PTPRD: variants seen among roughly 807,000 people sequenced by gnomAD.
PTPRD encodes the protein protein tyrosine phosphatase receptor type D.
Under a neutral mutation model 214.5 loss-of-function variants are expected in PTPRD, and 34 were observed. The observed-to-expected ratio is 0.16, with a 90% CI of 0.12 to 0.21. The LOEUF is 0.21. Ranked by LOEUF, PTPRD falls within the 10% of genes least tolerant of loss-of-function variation. The pLI, the probability that PTPRD is intolerant of heterozygous loss-of-function variation, is 1.00. For missense variants in PTPRD, 2,545 were observed against 2,398.7 expected, an observed-to-expected ratio of 1.06 and a Z score of -1.27; for synonymous variants, 1,128 against 845.7, an observed-to-expected ratio of 1.33 and a Z score of -5.79.
intron 8 of PTPRD, among the ~76,000 whole-genome samples, chr9:9,559,237 G>A (rs575777721): frequency 6.6e-6 from 1 of 151,736 alleles, no homozygotes; most frequent in Non-Finnish European, 1.5e-5. Flanking sequence ...ACTGTAGACT[G>A]TCCTACCACA....
intron 7 of PTPRD, among the ~76,000 whole-genome samples, chr9:9,682,818 C>T (rs2097099634): frequency 6.6e-6 from 1 of 151,734 alleles, no homozygotes. Flanking sequence ...CAAATACTGC[C>T]TATCAGTACT....
In PTPRD at chr9:10,193,256, T is replaced by C. The variant is rs1019143833; in HGVS notation, c.-545+147707A>G. Among the ~76,000 whole-genome samples the C allele has an allele frequency of 3.9e-5, 6 of 152,160 alleles. No individual in the cohort carries two copies. In the South Asian group the frequency reaches 8.3e-4, roughly 21 times the overall value. On this transcript the variant is annotated intron_variant, in intron 3 of 45. Transcript: ENST00000381196. Reference sequence around the variant, plus strand: ...TTTTACATAAGTTACATTTCCAGGTTCTTTTCCTGAAAATTTTTACTTTAT... The same window carrying C: ...TTTTACATAAGTTACATTTCCAGGTCCTTTTCCTGAAAATTTTTACTTTAT...
intron 11 of PTPRD, among the ~76,000 whole-genome samples, chr9:8,899,107 G>A (rs952299496): frequency 6.6e-6 from 1 of 152,048 alleles, no homozygotes; most frequent in Non-Finnish European, 1.5e-5. Context: ...GAGAGCTGCA[G>A]AGCTAACGGA....
At chr9:8,810,317 C>A (rs1168641409) in intron 11 of PTPRD, among the ~76,000 whole-genome samples, 1 of 152,120 alleles carries the variant, frequency 6.6e-6, no homozygotes, top group Non-Finnish European at 1.5e-5. Flanking sequence ...ATGATGTTAC[C>A]ATTGCCATGT....
chr9:10,013,840 T>A (rs542590683), intron 4 of PTPRD, among the ~76,000 whole-genome samples: 1 of 152,098 alleles, frequency 6.6e-6, no homozygotes, highest in South Asian at 2.1e-4. Flanking sequence ...GAATTTGATA[T>A]TCTTGGTTAA....
intron 14 of PTPRD, among the ~76,000 whole-genome samples, chr9:8,583,540 T>C (rs961213226): frequency 6.6e-6 from 1 of 152,210 alleles, no homozygotes; most frequent in Non-Finnish European, 1.5e-5. Flanking sequence ...AAAAATCATG[T>C]TGAAGAATGA....
intron 14 of PTPRD, among the ~76,000 whole-genome samples, chr9:8,632,425 T>C (rs2154318319): frequency 6.6e-6 from 1 of 152,068 alleles, no homozygotes; most frequent in Admixed American, 6.6e-5. Flanking sequence ...TCCAATTTCT[T>C]TCATGTTAGG....
At chr9:10,452,093 C>T (rs1037520052) in intron 2 of PTPRD, among the ~76,000 whole-genome samples, 2 of 151,876 alleles carry the variant, frequency 1.3e-5, no homozygotes, top group South Asian at 4.1e-4. Context: ...GCTTCAAGTT[C>T]AAGAGCAATT....
intron 12 of PTPRD, among the ~76,000 whole-genome samples, chr9:8,651,919 A>C (rs2096820396): frequency 6.6e-6 from 1 of 152,210 alleles, no homozygotes; most frequent in Non-Finnish European, 1.5e-5. Context: ...ATTACTTTTC[A>C]AATATCAAGT....
intron 3 of PTPRD, among the ~76,000 whole-genome samples, chr9:10,278,772 GTTTTGTT>G (rs1564974006): frequency 7.0e-6 from 1 of 143,082 alleles, no homozygotes; most frequent in Non-Finnish European, 1.6e-5. Flanking sequence ...TTTTTTTTTT[GTTTTGTT>G]TTGTTTTGTT....
chr9:9,709,770 T>C (rs947167237), intron 7 of PTPRD, among the ~76,000 whole-genome samples: 1 of 152,030 alleles, frequency 6.6e-6, no homozygotes, highest in African/African-American at 2.4e-5. Flanking sequence ...AGTACTGTAA[T>C]CACCATTGAT....
chr9:10,216,167 T>A (rs1005490149), intron 3 of PTPRD, among the ~76,000 whole-genome samples: 2 of 152,002 alleles, frequency 1.3e-5, no homozygotes, highest in Admixed American at 1.3e-4. Flanking sequence ...TTTGAATTAT[T>A]TTAACATACT....
At chr9:10,227,563 G>A (rs1022269784) in intron 3 of PTPRD, among the ~76,000 whole-genome samples, 1 of 151,824 alleles carries the variant, frequency 6.6e-6, no homozygotes, top group Non-Finnish European at 1.5e-5. Flanking sequence ...CTACTTCCAG[G>A]CTAGATAAGG....
At chr9:10,442,450 T>C (rs1160313091) in intron 2 of PTPRD, among the ~76,000 whole-genome samples, 1 of 151,556 alleles carries the variant, frequency 6.6e-6, no homozygotes, top group Non-Finnish European at 1.5e-5. Context: ...TTTGATCCGA[T>C]ATTGGTTTAT....
intron 5 of PTPRD, among the ~76,000 whole-genome samples, chr9:9,792,291 T>C (rs2098973624): frequency 6.6e-6 from 1 of 152,144 alleles, no homozygotes; most frequent in Non-Finnish European, 1.5e-5. Flanking sequence ...CACTTGCCAA[T>C]TTAACTGTCT....
At chr9:8,849,340 T>A (rs1483271653) in intron 11 of PTPRD, among the ~76,000 whole-genome samples, 1 of 151,970 alleles carries the variant, frequency 6.6e-6, no homozygotes, top group African/African-American at 2.4e-5. Flanking sequence ...CATGTCCAGA[T>A]AATTTTTGTA....
At chr9:9,021,422 A>G (rs553731926) in intron 10 of PTPRD, among the ~76,000 whole-genome samples, 4 of 152,200 alleles carry the variant, frequency 2.6e-5, no homozygotes, top group Non-Finnish European at 5.9e-5. Flanking sequence ...AAGTAATGGC[A>G]TTAGTACTTG....
chr9:10,556,428 T>C (rs537486949), intron 2 of PTPRD, among the ~76,000 whole-genome samples: 1 of 152,114 alleles, frequency 6.6e-6, no homozygotes, highest in Non-Finnish European at 1.5e-5. Flanking sequence ...TCATTTTAGG[T>C]ATATTTTATA....
intron 14 of PTPRD, among the ~76,000 whole-genome samples, chr9:8,626,678 A>T (rs1477866041): frequency 2.6e-5 from 4 of 151,664 alleles, no homozygotes. Context: ...GCTGAGCCTC[A>T]CCTAAGGAAG....
Sources: allele counts gnomAD v4.1 joint callset (sites outside exome capture counted in the v4.1 genomes callset), GRCh38; gene constraint gnomAD v4.1.1; transcripts MANE v1.5; gene names NCBI Gene and HGNC (gene_info 2026-07-23, HGNC 2026-07-21).